Variants in CADM1 observed in about 807,000 individuals in gnomAD.
The protein encoded by CADM1 is cell adhesion molecule 1.
CADM1 carries 15 observed loss-of-function variants against 53.1 expected under a neutral mutation model. That is an observed-to-expected ratio of 0.28 (90% CI 0.19 to 0.44). The LOEUF is 0.44. CADM1 is among the 20% of genes least tolerant of loss of function. The pLI is 1.00. For missense variants in CADM1, 434 were observed against 611.3 expected (o/e 0.71, Z 3.06); for synonymous variants, 281 against 243.0 (o/e 1.16, Z -1.45).
chr11:115,487,210 C>G (rs1388796580), intron 1 of CADM1, among the ~76,000 whole-genome samples: 6 of 152,094 alleles, frequency 3.9e-5, no homozygotes, highest in African/African-American at 1.4e-4. Flanking sequence ...TGGGGGAGAT[C>G]CAATGTATGA....
intron 1 of CADM1, among the ~76,000 whole-genome samples, chr11:115,404,397 T>C (rs1481074162): frequency 8.1e-6 from 1 of 123,120 alleles, no homozygotes; most frequent in East Asian, 2.5e-4. Flanking sequence ...ATGGCCCATT[T>C]GCATATCATA....
intron 1 of CADM1, among the ~76,000 whole-genome samples, chr11:115,326,368 T>C (rs1944958913): frequency 6.6e-6 from 1 of 152,182 alleles, no homozygotes; most frequent in Non-Finnish European, 1.5e-5. Context: ...AGCATGTATG[T>C]ATGTGTATGT....
chr11:115,292,508 G>A (rs761263184), intron 1 of CADM1, among the ~76,000 whole-genome samples: 20 of 152,216 alleles, frequency 1.3e-4, no homozygotes, highest in Non-Finnish European at 2.9e-4. Context: ...TAAATTCTAT[G>A]TGGAAGCCAG....
intron 1 of CADM1, among the ~76,000 whole-genome samples, chr11:115,319,706 G>C (rs1353256588): frequency 6.6e-6 from 1 of 152,124 alleles, no homozygotes; most frequent in African/African-American, 2.4e-5. Context: ...GGGAGCAATT[G>C]AGGCTATAGG....
intron 1 of CADM1, among the ~76,000 whole-genome samples, chr11:115,362,320 C>T (rs1242124306): frequency 6.6e-6 from 1 of 151,966 alleles, no homozygotes; most frequent in Admixed American, 6.6e-5. Flanking sequence ...GAGAGTTAAC[C>T]AGATTGGCCA....
intron 1 of CADM1, among the ~76,000 whole-genome samples, chr11:115,325,682 C>T (rs537067950): frequency 6.6e-6 from 1 of 152,260 alleles, no homozygotes; most frequent in African/African-American, 2.4e-5. Context: ...CTCTGCCTGA[C>T]TATAACTGCC....
intron 1 of CADM1, among the ~76,000 whole-genome samples, chr11:115,429,756 C>T (rs1947994435): frequency 6.6e-6 from 1 of 151,834 alleles, no homozygotes; most frequent in Non-Finnish European, 1.5e-5. Context: ...CATGAGGTTA[C>T]AAAAAATAAT....
At chr11:115,333,555 T>C (rs1945186352) in intron 1 of CADM1, 1 of 152,188 alleles carries the variant, frequency 6.6e-6, no homozygotes, top group Non-Finnish European at 1.5e-5. Flanking sequence ...ATGTAAAATT[T>C]GGCATCCAAT....
rs146145446 is a variant in CADM1, at chr11:115,335,478, A to G, written c.125-95058T>C. Among the ~76,000 whole-genome samples the G allele has an allele frequency of 2.6e-5, 4 of 152,244 alleles. No individual in the cohort carries two copies. The South Asian group carries it at 6.2e-4, about 24-fold the overall frequency. On this transcript the variant is annotated intron_variant, in intron 1 of 11. Coordinates refer to ENST00000331581, the MANE Select transcript of CADM1 (RefSeq NM_001301043.2). ...ATGTATATATATAGTTGTAAAAGGAAAAGTATTTTAATAGTCTTTTCAGAT... is the reference window on the plus strand; with the variant it reads ...ATGTATATATATAGTTGTAAAAGGAGAAGTATTTTAATAGTCTTTTCAGAT...
intron 1 of CADM1, among the ~76,000 whole-genome samples, chr11:115,483,566 C>A (rs1187764592): frequency 2.0e-5 from 3 of 152,048 alleles, no homozygotes; most frequent in African/African-American, 7.2e-5. Flanking sequence ...AGAGGAGAGT[C>A]AAGAAAAATT....
At chr11:115,406,584 T>C (rs933094761) in intron 1 of CADM1, among the ~76,000 whole-genome samples, 1 of 148,192 alleles carries the variant, frequency 6.7e-6, no homozygotes, top group Admixed American at 6.8e-5. Context: ...TATACCTTAT[T>C]ATAATAAATA....
intron 11 of CADM1, among the ~76,000 whole-genome samples, chr11:115,177,589 G>A (rs1939094543): frequency 6.6e-6 from 1 of 151,840 alleles, no homozygotes; most frequent in Non-Finnish European, 1.5e-5. Context: ...TTGCTGCAGA[G>A]TGACACACAT....
At chr11:115,206,783 T>TTTTTTTTTTTTTTTTG in intron 8 of CADM1, among the ~76,000 whole-genome samples, 1 of 136,306 alleles carries the variant, frequency 7.3e-6, no homozygotes, top group African/African-American at 2.8e-5. Flanking sequence ...TTTTTTTTTT[T>TTTTTTTTTTTTTTTTG]TTTTTTAAGC....
chr11:115,223,974 AG>A (rs1487401056), intron 5 of CADM1, among the ~76,000 whole-genome samples: 331 of 1,706 alleles, frequency 0.19, 1 homozygote, highest in Non-Finnish European at 0.3. Flanking sequence ...AAAAAAAAAA[AG>A]AGAGAGAGAG....
At chr11:115,205,055 TA>T (rs2134710716) in intron 8 of CADM1, among the ~76,000 whole-genome samples, 1 of 152,326 alleles carries the variant, frequency 6.6e-6, no homozygotes, top group South Asian at 2.1e-4. Context: ...AATTTGGCCC[TA>T]TAGCTATTCA....
intron 1 of CADM1, among the ~76,000 whole-genome samples, chr11:115,487,493 A>T (rs1330822715): frequency 6.6e-6 from 1 of 152,160 alleles, no homozygotes; most frequent in Admixed American, 6.5e-5. Flanking sequence ...AAACAAGGAT[A>T]AAGAGATGTA....
At chr11:115,244,881 T>C (rs996463941) in intron 1 of CADM1, among the ~76,000 whole-genome samples, 1 of 152,220 alleles carries the variant, frequency 6.6e-6, no homozygotes, top group Non-Finnish European at 1.5e-5. Flanking sequence ...GCTTCCTTCT[T>C]TCAGTGCTCG....
At chr11:115,392,175 A>C (rs572505924) in intron 1 of CADM1, among the ~76,000 whole-genome samples, 27 of 152,138 alleles carry the variant, frequency 1.8e-4, no homozygotes, top group Non-Finnish European at 3.2e-4. Flanking sequence ...CATTCTTAAA[A>C]TACTATACAA....
At chr11:115,182,582 TTC>T (rs765025721) in intron 10 of CADM1, among the ~76,000 whole-genome samples, 4 of 152,352 alleles carry the variant, frequency 2.6e-5, no homozygotes, top group Non-Finnish European at 4.4e-5. Flanking sequence ...CCTTGAATGA[TTC>T]TGACTTGCAG....
Sources: gnomAD v4.1 joint callset for allele counts (sites outside exome capture counted in the v4.1 genomes callset) on GRCh38, gnomAD v4.1.1 for gene constraint, MANE v1.5 for transcripts, NCBI Gene and HGNC (gene_info 2026-07-23, HGNC 2026-07-21) for gene names.